Variants in RPS6KC1 observed in about 807,000 individuals in gnomAD.
RPS6KC1 encodes ribosomal protein S6 kinase C1.
In RPS6KC1, 54 loss-of-function variants were observed where a neutral mutation model predicts 103.8. That is an observed-to-expected ratio of 0.52 (90% CI 0.42 to 0.65). The LOEUF (loss-of-function observed/expected upper bound fraction) is 0.65, where lower values mean the gene tolerates loss of function less well. RPS6KC1 is among the 30% of genes least tolerant of loss of function. The pLI is 0.00. For synonymous variants in RPS6KC1, 439 were observed against 438.7 expected (o/e 1.00, Z -0.01); for missense variants, 1,151 against 1,253.8 (o/e 0.92, Z 1.24).
At chr1:213,646,583 A>G in the RPS6KC1 span, among the ~76,000 whole-genome samples, 3 of 152,158 alleles carry the variant, frequency 2.0e-5, no homozygotes, top group Non-Finnish European at 4.4e-5. Flanking sequence ...ATTGCACTCT[A>G]CACTTGGGAC....
the RPS6KC1 span, among the ~76,000 whole-genome samples, chr1:213,628,149 G>A: frequency 6.6e-6 from 1 of 152,138 alleles, no homozygotes; most frequent in African/African-American, 2.4e-5. Context: ...TTTAGTCTTG[G>A]GAGGGTGTAT....
At chr1:213,604,978 T>C in the RPS6KC1 span, among the ~76,000 whole-genome samples, 1 of 152,156 alleles carries the variant, frequency 6.6e-6, no homozygotes, top group African/African-American at 2.4e-5. Flanking sequence ...TTCTCTCATA[T>C]CTTGTTTTTG....
chr1:213,508,272 C>T, the RPS6KC1 span, among the ~76,000 whole-genome samples: 1 of 152,138 alleles, frequency 6.6e-6, no homozygotes, highest in East Asian at 1.9e-4. Context: ...AAAGCCTGTT[C>T]AAAATGAAAG....
chr1:213,359,142 T>C, the RPS6KC1 span, among the ~76,000 whole-genome samples: 1 of 152,198 alleles, frequency 6.6e-6, no homozygotes, highest in Non-Finnish European at 1.5e-5. Flanking sequence ...ATCTGTCTAA[T>C]GTTGACAGTG....
chr1:213,477,966 A>G, the RPS6KC1 span, among the ~76,000 whole-genome samples: 12 of 152,274 alleles, frequency 7.9e-5, no homozygotes, highest in South Asian at 2.5e-3. Context: ...ACATGTATCC[A>G]TCGTTATAGC....
chr1:213,625,639 C>T, the RPS6KC1 span, among the ~76,000 whole-genome samples: 5 of 152,142 alleles, frequency 3.3e-5, no homozygotes, highest in African/African-American at 1.2e-4. Context: ...TCCATGTGTT[C>T]TCATTGTTCA....
At chr1:213,550,823 C>A in the RPS6KC1 span, among the ~76,000 whole-genome samples, 1 of 152,156 alleles carries the variant, frequency 6.6e-6, no homozygotes, top group Non-Finnish European at 1.5e-5. Context: ...GTAACCCTGA[C>A]CTGAGTGTTG....
chr1:213,567,074 C>A, the RPS6KC1 span, among the ~76,000 whole-genome samples: 1 of 152,128 alleles, frequency 6.6e-6, no homozygotes, highest in Non-Finnish European at 1.5e-5. Context: ...TTTTATCAGG[C>A]ACATCAAGGT....
chr1:213,291,326 C>T, the RPS6KC1 span, among the ~76,000 whole-genome samples: 1 of 152,228 alleles, frequency 6.6e-6, no homozygotes, highest in Admixed American at 6.5e-5. Context: ...AACCGCCCCT[C>T]TCTGCAAGAG....
At chr1:213,515,990 T>C in the RPS6KC1 span, among the ~76,000 whole-genome samples, 2 of 152,250 alleles carry the variant, frequency 1.3e-5, no homozygotes, top group East Asian at 1.9e-4. Context: ...CTCTTTGAAG[T>C]AATTGTGAAT....
intron 8 of RPS6KC1, among the ~76,000 whole-genome samples, chr1:213,214,939 TA>T (rs2093619541): frequency 6.6e-6 from 1 of 151,646 alleles, no homozygotes; most frequent in Non-Finnish European, 1.5e-5. Flanking sequence ...AAACAGAACA[TA>T]AAAAACTGAA....
chr1:213,541,899 C>T, the RPS6KC1 span, among the ~76,000 whole-genome samples: 1 of 152,146 alleles, frequency 6.6e-6, no homozygotes, highest in East Asian at 1.9e-4. Flanking sequence ...CCAGGTGGAG[C>T]AGGGAATCTC....
At chr1:213,137,799 ATT>A (rs869154560) in intron 6 of RPS6KC1, among the ~76,000 whole-genome samples, 91 of 13,916 alleles carry the variant, frequency 6.5e-3, no homozygotes, top group Non-Finnish European at 9.0e-3. Context: ...ATATATATAT[ATT>A]TTTTTTTTTT....
At chr1:213,723,263 G>A in the RPS6KC1 span, among the ~76,000 whole-genome samples, 1 of 152,214 alleles carries the variant, frequency 6.6e-6, no homozygotes, top group Admixed American at 6.5e-5. Context: ...TCAGACCTTT[G>A]TTCTGAGATA....
intron 14 of RPS6KC1, among the ~76,000 whole-genome samples, chr1:213,271,226 A>C (rs535271362): frequency 2.0e-5 from 3 of 152,356 alleles, no homozygotes; most frequent in African/African-American, 7.2e-5. Context: ...ACATCCAAAC[A>C]GTGGAATACT....
At chr1:213,176,297 T>C in intron 7 of RPS6KC1, 103 bp from the exon 8 acceptor site, 1 of 583,528 alleles carries the variant, frequency 1.7e-6, no homozygotes, top group East Asian at 2.9e-5. Flanking sequence ...ATTCTCTGAT[T>C]TATGATGAAT....
the RPS6KC1 span, among the ~76,000 whole-genome samples, chr1:213,596,797 C>A: frequency 6.6e-6 from 1 of 152,210 alleles, no homozygotes; most frequent in African/African-American, 2.4e-5. Flanking sequence ...CAGCACTATG[C>A]CAAGAGTAGA....
the RPS6KC1 span, among the ~76,000 whole-genome samples, chr1:213,563,993 A>G: frequency 1.3e-5 from 1 of 78,320 alleles, no homozygotes; most frequent in East Asian, 3.6e-4. Context: ...TTTGTATTTT[A>G]CTTTTTTTTT....
chr1:213,328,330 G>A, the RPS6KC1 span, among the ~76,000 whole-genome samples: 1 of 151,990 alleles, frequency 6.6e-6, no homozygotes, highest in East Asian at 1.9e-4. Flanking sequence ...AGGCTAAAAT[G>A]TAGGCCATTG....
Sources: allele counts gnomAD v4.1 joint callset (sites outside exome capture counted in the v4.1 genomes callset), GRCh38; gene constraint gnomAD v4.1.1; transcripts MANE v1.5; gene names NCBI Gene and HGNC (gene_info 2026-07-23, HGNC 2026-07-21).